The following RALGPS1 variants were observed in gnomAD, a reference collection of about 807,000 sequenced individuals.
The protein encoded by RALGPS1 is ras-specific guanine nucleotide-releasing factor RalGPS1.
In RALGPS1, 19 loss-of-function variants were observed where a neutral mutation model predicts 78.8. The ratio of observed to expected loss-of-function variants is 0.24; its 90% CI spans 0.17 to 0.35. The LOEUF is 0.35. Among genes scored for constraint, RALGPS1 ranks in the 10% least tolerant of loss-of-function variants. RALGPS1 has a pLI of 1.00. For missense variants in RALGPS1, 454 were observed against 688.3 expected (o/e 0.66, Z 3.81); for synonymous variants, 228 against 256.3 (o/e 0.89, Z 1.06).
intron 1 of RALGPS1, among the ~76,000 whole-genome samples, chr9:126,940,645 G>A (rs2036691091): frequency 6.6e-6 from 1 of 152,020 alleles, no homozygotes; most frequent in Non-Finnish European, 1.5e-5. Flanking sequence ...GTTTTGTCGT[G>A]TTAGCCAGGA....
At chr9:127,170,888 C>T (rs2059536281) in intron 10 of RALGPS1, among the ~76,000 whole-genome samples, 1 of 152,338 alleles carries the variant, frequency 6.6e-6, no homozygotes, top group South Asian at 2.1e-4. Flanking sequence ...CTCAGACCAT[C>T]TAGGGAGTTC....
chr9:127,127,748 A>T (rs1446501927), intron 8 of RALGPS1, among the ~76,000 whole-genome samples: 1 of 152,234 alleles, frequency 6.6e-6, no homozygotes, highest in Non-Finnish European at 1.5e-5. Context: ...ACTAACAAAA[A>T]GATTGAGACT....
intron 10 of RALGPS1, among the ~76,000 whole-genome samples, chr9:127,170,134 T>A (rs2059494198): frequency 6.6e-6 from 1 of 152,192 alleles, no homozygotes; most frequent in Non-Finnish European, 1.5e-5. Flanking sequence ...TTCATCTAAG[T>A]TCGTGAAAAC....
At chr9:127,112,391 G>A (rs1315425452) in intron 8 of RALGPS1, among the ~76,000 whole-genome samples, 3 of 152,256 alleles carry the variant, frequency 2.0e-5, no homozygotes, top group Non-Finnish European at 4.4e-5. Context: ...TCTTCAGGCT[G>A]CTCACCTGAG....
At chr9:127,081,100 GCCCTCTGA>G (rs1463061338) in intron 8 of RALGPS1, among the ~76,000 whole-genome samples, 1 of 152,226 alleles carries the variant, frequency 6.6e-6, no homozygotes, top group African/African-American at 2.4e-5. Context: ...CTGCTGGAAT[GCCCTCTGA>G]AATGCTTGCA....
At chr9:126,989,084 G>GCATCATCAT in intron 4 of RALGPS1, among the ~76,000 whole-genome samples, 1 of 151,604 alleles carries the variant, frequency 6.6e-6, no homozygotes, top group East Asian at 1.9e-4. Flanking sequence ...ATCATCATCA[G>GCATCATCAT]CATCATCATC....
chr9:127,084,515 C>A (rs1307009770), intron 8 of RALGPS1, among the ~76,000 whole-genome samples: 4 of 152,192 alleles, frequency 2.6e-5, no homozygotes, highest in Admixed American at 1.3e-4. Flanking sequence ...TCAATGTGGG[C>A]CCCTCTTCCC....
intron 4 of RALGPS1, among the ~76,000 whole-genome samples, chr9:127,025,935 C>T (rs868706984): frequency 5.2e-4 from 79 of 152,220 alleles, no homozygotes; most frequent in African/African-American, 1.9e-3. Flanking sequence ...AACTCTTGGG[C>T]TCAAGCAGTC....
In RALGPS1 at chr9:127,107,331, T is replaced by C. The variant is rs906323835; in HGVS notation, c.610+37975T>C. 2.6e-5 allele frequency among the ~76,000 whole-genome samples: 4 copies of C among 152,234 alleles called. No homozygotes were observed. In the South Asian group the frequency reaches 8.3e-4, roughly 32 times the overall value. ...CCCATAACGGTATTCGGAGAATTGC[T>C]GTATTTTAAGATGAAACGTGTATGT... On this transcript the variant is annotated intron_variant, in intron 8 of 18. Coordinates refer to ENST00000259351, the MANE Select transcript of RALGPS1 (RefSeq NM_014636.3).
chr9:127,138,866 T>A (rs989997812), intron 8 of RALGPS1, among the ~76,000 whole-genome samples: 5 of 152,234 alleles, frequency 3.3e-5, no homozygotes, highest in Admixed American at 3.3e-4. Flanking sequence ...AGTTTATTAT[T>A]AATACACTAG....
rs1395000609 is a variant in RALGPS1, at chr9:127,220,245, G to A, written c.*1476G>A. The A allele has an allele frequency of 6.6e-6, 1 of 152,182 alleles. No individual in the cohort carries two copies. Among genetic ancestry groups the A allele is most frequent in the Non-Finnish European group, 1.5e-5 (1 of 68,042 alleles). The allele number at this position is 152,182 out of a possible 1,614,324, so 9.4% of individuals were successfully genotyped here. A position where few individuals can be genotyped will look rare whatever the true frequency, so the allele number is the denominator to read the frequency against. ...ATGGTTTCAGAGCTCAGACTGATCA[G>A]GCATCAAGCTACCCTCAAGAGTTTC... On this transcript the variant is annotated 3_prime_UTR_variant, in exon 19 of 19. Coordinates refer to ENST00000259351, the MANE Select transcript of RALGPS1 (RefSeq NM_014636.3).
In RALGPS1 at chr9:127,160,595, G is replaced by C. The variant is rs558751916; in HGVS notation, c.611-5474G>C. Among the ~76,000 whole-genome samples, 6 of 152,304 alleles carry C rather than the reference G, an allele frequency of 3.9e-5. No homozygotes were observed. In the East Asian group the frequency reaches 9.7e-4, roughly 25 times the overall value. On this transcript the variant is annotated intron_variant, in intron 8 of 18. Coordinates refer to ENST00000259351, the MANE Select transcript of RALGPS1 (RefSeq NM_014636.3). ...TGCGGGTGGGCATAGCCATGGGGCA[G>C]ATGCCAGCTGCCAGCAGTGTCCTGG...
chr9:127,018,191 AGT>A (rs2045062741), intron 4 of RALGPS1, among the ~76,000 whole-genome samples: 3 of 150,432 alleles, frequency 2.0e-5, no homozygotes, highest in Non-Finnish European at 3.0e-5. Flanking sequence ...CTCCAGCCTG[AGT>A]GACAGCAAGA....
chr9:127,122,306 GC>G lies in RALGPS1; in HGVS notation c.611-43759del, dbSNP rs2056197591. On this transcript the variant is annotated intron_variant, in intron 8 of 18. Transcript: ENST00000259351. The surrounding 1 kb of genome is among the most constrained non-coding windows in gnomAD (Gnocchi z 6.4). ...CCTGCCTCTCATGGCCGCAGAGCTG[GC>G]CCCTTACCTCTTCCCTCCTGCTTGG... 1 of 152,400 alleles carries G rather than the reference GC, an allele frequency of 6.6e-6. No homozygotes were observed. Among genetic ancestry groups the G allele is most frequent in the Non-Finnish European group, 1.5e-5 (1 of 68,224 alleles). The allele number at this position is 152,400 out of a possible 1,614,324, so 9.4% of individuals were successfully genotyped here. A position where few individuals can be genotyped will look rare whatever the true frequency, so the allele number is the denominator to read the frequency against.
At chr9:127,094,676 AG>A (rs1347488936) in intron 8 of RALGPS1, among the ~76,000 whole-genome samples, 1 of 152,222 alleles carries the variant, frequency 6.6e-6, no homozygotes, top group African/African-American at 2.4e-5. Flanking sequence ...TTCCAAAGGA[AG>A]CTCAGTGAGG....
intron 11 of RALGPS1, among the ~76,000 whole-genome samples, chr9:127,186,310 A>T (rs1024232798): frequency 6.6e-6 from 1 of 152,214 alleles, no homozygotes; most frequent in Non-Finnish European, 1.5e-5. Context: ...AAATGGAGCA[A>T]TCCTCTGAGA....
intron 8 of RALGPS1, among the ~76,000 whole-genome samples, chr9:127,096,296 C>T (rs2053127782): frequency 1.3e-5 from 2 of 152,242 alleles, no homozygotes; most frequent in Admixed American, 6.5e-5. Flanking sequence ...ACAGCTGGAG[C>T]AGAGCGCCGG....
chr9:127,193,620 A>G (rs1056673420), intron 11 of RALGPS1, among the ~76,000 whole-genome samples: 13 of 152,222 alleles, frequency 8.5e-5, no homozygotes, highest in Middle Eastern at 3.4e-3. Context: ...GTGGGTCATT[A>G]TTTTGGACAT....
Position 127,062,654 on chromosome 9 carries a change from A to C in RALGPS1, c.484-6576A>C, listed in dbSNP as rs550342096. 3.9e-5 allele frequency among the ~76,000 whole-genome samples: 6 copies of C among 152,332 alleles called. No homozygotes were observed. The South Asian group carries it at 1.2e-3, about 32-fold the overall frequency. The stretch of plus-strand genomic sequence containing the variant: ...TATGAGGCATAATTTGCCTTTCCGT[A>C]GACAGGAATTATTTATATTACTACA... On this transcript the variant is annotated intron_variant, in intron 7 of 18. Transcript: ENST00000259351.
Sources: allele counts gnomAD v4.1 joint callset (sites outside exome capture counted in the v4.1 genomes callset), GRCh38; gene constraint gnomAD v4.1.1; non-coding constraint Gnocchi (gnomAD v3.1); transcripts MANE v1.5; gene names NCBI Gene and HGNC (gene_info 2026-07-23, HGNC 2026-07-21).